HTT: variants seen among roughly 807,000 people sequenced by gnomAD.
The protein encoded by HTT is huntingtin.
In HTT, 104 loss-of-function variants were observed where a neutral mutation model predicts 362.3. The observed-to-expected ratio is 0.29, with a 90% CI of 0.24 to 0.34. The LOEUF is 0.34. Among genes scored for constraint, HTT ranks in the 10% least tolerant of loss-of-function variants. HTT has a pLI of 1.00. For missense variants in HTT, 3,301 were observed against 3,928.6 expected (o/e 0.84, Z 4.27); for synonymous variants, 1,577 against 1,548.7 (o/e 1.02, Z -0.43).
At chr4:3,119,188 T>G (rs1715174952) in intron 8 of HTT, among the ~76,000 whole-genome samples, 1 of 152,218 alleles carries the variant, frequency 6.6e-6, no homozygotes, top group African/African-American at 2.4e-5. Flanking sequence ...TTAGAAACCA[T>G]TCTTCTTGAA....
chr4:3,089,775 A>T (rs1344037624), intron 2 of HTT, among the ~76,000 whole-genome samples: 4 of 152,188 alleles, frequency 2.6e-5, no homozygotes, highest in Admixed American at 6.5e-5. Context: ...GCTTATATTC[A>T]TATATTAGTA....
At position 3,214,767 on chromosome 4, in the gene HTT, C is replaced by A. The variant is rs144862572; in HGVS notation, c.6953-343C>A. On this transcript the variant is annotated intron_variant, in intron 50 of 66. Transcript: ENST00000355072. ...CTTGAAAACAAAGATCCAGGGATTA[C>A]TACTTAAAAGCCAGACTTCTTGGAG... Among the ~76,000 whole-genome samples, 356 of 152,250 alleles carry A rather than the reference C, an allele frequency of 2.3e-3. 2 individuals are homozygous for A. Among genetic ancestry groups the A allele is most frequent in the East Asian group, 0.019 (97 of 5,176 alleles).
rs1291794655 is a variant in HTT, at chr4:3,130,024, A to T, written c.1844A>T (p.Glu615Val). The stretch of plus-strand genomic sequence containing the variant: ...GGTATTCTTCCTGATGAAGCCTCGG[A>T]GGCCTTCAGGAACTCTTCCATGGGT... ...ATGILPDEAS[E>V]AFRNSSMALQ... Residue 615 changes from glutamate (E) to valine (V), a missense_variant, in exon 13 of 67, where the codon GAG becomes GTG. Physicochemically the swap from Glu to Val is moderately radical, Grantham distance 121 (BLOSUM62 -2). Transcript: ENST00000355072. The T allele has an allele frequency of 6.2e-7, 1 of 1,612,256 alleles. No individual in the cohort carries two copies. Among genetic ancestry groups the T allele is most frequent in the Non-Finnish European group, 8.5e-7 (1 of 1,179,126 alleles).
Position 3,235,388 on chromosome 4 carries a change from C to T in HTT, c.8561C>T (p.Ser2854Leu), listed in dbSNP as rs1203482112. ...PLDVGPEFSA[S>L]IIQMCGVMLS... Reference sequence around the variant, plus strand: ...GACGTAGGGCCGGAATTTTCAGCATCAATAATACAGGTGAGTGGGCCCTGG... The same window carrying T: ...GACGTAGGGCCGGAATTTTCAGCATTAATAATACAGGTGAGTGGGCCCTGG... Residue 2854 changes from serine to leucine, a missense_variant, in exon 62 of 67, where the codon TCA becomes TTA. Coordinates refer to ENST00000355072, the MANE Select transcript of HTT (RefSeq NM_001388492.1). 6.2e-7 allele frequency: 1 copy of T among 1,606,154 alleles called. No homozygotes were observed. Among genetic ancestry groups the T allele is most frequent in the Non-Finnish European group, 8.5e-7 (1 of 1,172,714 alleles).
intron 64 of HTT, among the ~76,000 whole-genome samples, chr4:3,238,177 T>G (rs993441228): frequency 3.3e-5 from 5 of 152,024 alleles, no homozygotes; most frequent in Admixed American, 3.3e-4. Flanking sequence ...CCCTACAGGG[T>G]GTGGGAGCCC....
At chr4:3,172,804 G>C in intron 30 of HTT, 104 bp from the exon 31 acceptor site, 1 of 821,274 alleles carries the variant, frequency 1.2e-6, no homozygotes, top group Non-Finnish European at 2.1e-6. Flanking sequence ...GTGAGTCTTT[G>C]CTAACATATC....
At chr4:3,082,187 A>C (rs1380155898) in intron 1 of HTT, among the ~76,000 whole-genome samples, 2 of 152,174 alleles carry the variant, frequency 1.3e-5, no homozygotes, top group Non-Finnish European at 2.9e-5. Flanking sequence ...ATTAATTGCT[A>C]TGTAATATTT....
Position 3,199,935 on chromosome 4 carries a change from C to G in HTT, c.5572C>G (p.Pro1858Ala). The change falls in exon 41 of 67, where the codon CCG becomes GCG. Residue 1858 changes from proline (P) to alanine (A), a missense_variant. Pro to Ala is a conservative substitution (Grantham distance 27, BLOSUM62 -1). Around this residue, in one of 4 missense-constraint regions of HTT, gnomAD observed 2,316 missense variants for 2,658.5 expected, o/e 0.87. Transcript: ENST00000355072. Reference protein sequence around the residue: ...YRWWAEVQQTPKRHSLSSTKL... With the variant: ...YRWWAEVQQTAKRHSLSSTKL... The stretch of plus-strand genomic sequence containing the variant: ...CTGGTGGGCAGAAGTGCAGCAGACC[C>G]CGAAGTAGGTTCATAATGCCCCACA... The G allele has an allele frequency of 6.2e-7, 1 of 1,612,526 alleles. No homozygotes were observed. The highest frequency in any genetic ancestry group is 1.1e-5 in the South Asian group (1 of 90,868).
intron 1 of HTT, among the ~76,000 whole-genome samples, chr4:3,078,081 A>G (rs1712660143): frequency 6.6e-6 from 1 of 152,220 alleles, no homozygotes; most frequent in Non-Finnish European, 1.5e-5. Context: ...TACAGGATGC[A>G]GGAGTTCCTT....
At chr4:3,238,731 C>A in intron 65 of HTT, 87 bp from the exon 66 acceptor site, 2 of 636,686 alleles carry the variant, frequency 3.1e-6, no homozygotes, top group Non-Finnish European at 5.2e-6. Context: ...ATGCCTCTGG[C>A]CCCCACCCCA....
At chr4:3,089,775 A>G (rs1344037624) in intron 2 of HTT, among the ~76,000 whole-genome samples, 2 of 152,188 alleles carry the variant, frequency 1.3e-5, no homozygotes, top group African/African-American at 4.8e-5. Flanking sequence ...GCTTATATTC[A>G]TATATTAGTA....
At chr4:3,137,885 C>T (rs925169195) in intron 21 of HTT, among the ~76,000 whole-genome samples, 2 of 152,100 alleles carry the variant, frequency 1.3e-5, no homozygotes, top group African/African-American at 4.8e-5. Context: ...TTTATCTATC[C>T]ATCAGATGGA....
intron 48 of HTT, among the ~76,000 whole-genome samples, 180 bp from the exon 49 acceptor site, chr4:3,212,384 G>A (rs1243452472): frequency 1.3e-5 from 2 of 152,234 alleles, no homozygotes; most frequent in Non-Finnish European, 2.9e-5. Flanking sequence ...GGCTGGGCCA[G>A]ACCTCAGGGG....
chr4:3,224,142 G>A lies in HTT; in HGVS notation c.7765+11G>A. The A allele has an allele frequency of 6.2e-7, 1 of 1,613,888 alleles. No individual in the cohort carries two copies. Among genetic ancestry groups the A allele is most frequent in the East Asian group, 2.2e-5 (1 of 44,884 alleles). ...CTCCGGCTACTACAGGTACCTGAGG[G>A]AAAGGGTGCGGGGGAGCGGTTGTAC... On this transcript the variant is annotated intron_variant, in intron 56 of 66. Coordinates refer to ENST00000355072, the MANE Select transcript of HTT (RefSeq NM_001388492.1).
At chr4:3,178,203 C>A in intron 34 of HTT, 95 bp from the exon 35 acceptor site, 1 of 945,190 alleles carries the variant, frequency 1.1e-6, no homozygotes, top group Non-Finnish European at 1.6e-6. Flanking sequence ...TGTGTGCTTG[C>A]TGTCAAGGTT....
intron 60 of HTT, among the ~76,000 whole-genome samples, chr4:3,230,349 G>T (rs1311632751): frequency 6.6e-6 from 1 of 152,166 alleles, no homozygotes; most frequent in Non-Finnish European, 1.5e-5. Context: ...GTGTGGTGGC[G>T]CTGAGGCATC....
Position 3,172,616 on chromosome 4 carries a change from C to G in HTT, c.3942+219C>G, listed in dbSNP as rs148117565. Among the ~76,000 whole-genome samples, 243 of 152,270 alleles carry G rather than the reference C, an allele frequency of 1.6e-3. 2 individuals carry two copies. Among genetic ancestry groups the G allele is most frequent in the Admixed American group, 2.9e-3 (45 of 15,292 alleles). Reference sequence around the variant, plus strand: ...CTGTCACTGTGGAGGGCAGAGGACACCAGAAGCTCCTCTGCAACCTCGCTA... The same window carrying G: ...CTGTCACTGTGGAGGGCAGAGGACAGCAGAAGCTCCTCTGCAACCTCGCTA... On this transcript the variant is annotated intron_variant, in intron 30 of 66. Transcript: ENST00000355072.
chr4:3,139,589 G>A (rs774998867), intron 21 of HTT, among the ~76,000 whole-genome samples: 9 of 152,240 alleles, frequency 5.9e-5, no homozygotes, highest in Non-Finnish European at 1.0e-4. Flanking sequence ...GGGGCTTGCA[G>A]ACCAATATGA....
In HTT at chr4:3,229,036, C is replaced by T. The variant is rs1290501054; in HGVS notation, c.8109+27C>T. 2.5e-6 allele frequency: 4 copies of T among 1,601,774 alleles called. No homozygotes were observed. In the African/African-American group the frequency reaches 5.4e-5, roughly 21 times the overall value. ...TAAGTGAGCCTTCCCATTCCCCTCA[C>T]ACCTGCACGTGCCACACGCACCACA... On this transcript the variant is annotated intron_variant, in intron 59 of 66. Transcript: ENST00000355072.
Sources: gnomAD v4.1 joint callset for allele counts (sites outside exome capture counted in the v4.1 genomes callset) on GRCh38, gnomAD v4.1.1 for gene constraint, gnomAD v4.1.1 regional missense constraint, MANE v1.5 for transcripts, NCBI Gene and HGNC (gene_info 2026-07-23, HGNC 2026-07-21) for gene names.